The following YLPM1 variants were observed in gnomAD, a reference collection of about 807,000 sequenced individuals.
The protein encoded by YLPM1 is YLP motif-containing protein 1.
Under a neutral mutation model 230.0 loss-of-function variants are expected in YLPM1, and 99 were observed. The observed-to-expected ratio is 0.43, with a 90% CI of 0.37 to 0.51. The LOEUF is 0.51. YLPM1 is among the 20% of genes least tolerant of loss of function. The pLI is 0.00. For synonymous variants in YLPM1, 984 were observed against 942.5 expected (o/e 1.04, Z -0.81); for missense variants, 2,592 against 2,707.7 (o/e 0.96, Z 0.95).
chr14:74,780,502 A>T lies in YLPM1; in HGVS notation c.1208A>T (p.Gln403Leu). The change falls in exon 3 of 21, where the codon CAG (glutamine) becomes CTG (leucine). Residue 403 changes from glutamine to leucine, a missense_variant. Coordinates refer to ENST00000325680, the MANE Select transcript of YLPM1 (RefSeq NM_019589.3). ...HQQHRVGFQY[Q>L]GIMQKHTQLQ... ...CAGCATCGAGTCGGTTTCCAGTATC[A>T]GGGAATAATGCAGAAGCACACTCAG... The T allele has an allele frequency of 6.2e-7, 1 of 1,614,038 alleles. No individual in the cohort carries two copies. The highest frequency in any genetic ancestry group is 8.5e-7 in the Non-Finnish European group (1 of 1,179,902).
At chr14:74,811,078 C>T (rs1409279510) in intron 9 of YLPM1, among the ~76,000 whole-genome samples, 6 of 152,124 alleles carry the variant, frequency 3.9e-5, no homozygotes, top group East Asian at 1.9e-4. Flanking sequence ...CCACCTGCCT[C>T]GGCCTTCCGA....
rs745543587 is a variant in YLPM1, at chr14:74,799,271, AACGGGATATTCCATCTCTTCCACC to A, written c.3975_3998del (p.Glu1325_Pro1333delinsAsp). ...GATGAACAAGAATCACAGTTTCGTG[AACGGGATATTCCATCTCTTCCACC>A]TTTACCGCCCCTCCCACCTCTTCCA... On this transcript the variant is annotated inframe_deletion, in exon 5 of 21. Coordinates refer to ENST00000325680, the MANE Select transcript of YLPM1 (RefSeq NM_019589.3). 6 of 1,613,930 alleles carry A rather than the reference AACGGGATATTCCATCTCTTCCACC, an allele frequency of 3.7e-6. No individual in the cohort carries two copies. In the African/African-American group the frequency reaches 6.7e-5, roughly 18 times the overall value.
At chr14:74,814,288 G>A (rs974443917) in intron 11 of YLPM1, among the ~76,000 whole-genome samples, 1 of 152,200 alleles carries the variant, frequency 6.6e-6, no homozygotes, top group African/African-American at 2.4e-5. Context: ...ATGAACCCAG[G>A]AGGCGGAGCT....
At position 74,799,130 on chromosome 14, in the gene YLPM1, A is replaced by C. The variant is rs1432202082; in HGVS notation, c.3833A>C (p.Tyr1278Ser). Residue 1278 changes from tyrosine (Y) to serine (S), a missense_variant, in exon 5 of 21, where the codon TAC becomes TCC. This residue lies in a region of YLPM1 where 1,862 missense variants were observed against 1,819.8 expected (regional missense o/e 1.02). Coordinates refer to ENST00000325680, the MANE Select transcript of YLPM1 (RefSeq NM_019589.3). The part of the protein sequence containing the change: ...WERDQDMDED[Y>S]NREMERDMDR... ...AGAGACCAGGATATGGATGAGGACT[A>C]CAATAGGGAAATGGAAAGGGACATG... 1.2e-6 allele frequency: 2 copies of C among 1,613,934 alleles called. No homozygotes were observed. Among genetic ancestry groups the C allele is most frequent in the Admixed American group, 1.7e-5 (1 of 60,010 alleles).
chr14:74,771,551 G>A (rs2090976301), intron 1 of YLPM1, among the ~76,000 whole-genome samples: 2 of 152,200 alleles, frequency 1.3e-5, no homozygotes, highest in African/African-American at 2.4e-5. Flanking sequence ...TGGATAGTGC[G>A]TTGCCATGAA....
chr14:74,770,181 CAAA>C (rs749198220), intron 1 of YLPM1, among the ~76,000 whole-genome samples: 1 of 119,604 alleles, frequency 8.4e-6, no homozygotes, highest in Non-Finnish European at 1.8e-5. Context: ...GACTCCGACT[CAAA>C]AAAAAAAAAA....
At chr14:74,799,727 T>TATTA in intron 5 of YLPM1, 30 bp downstream of exon 5, 1 of 1,556,928 alleles carries the variant, frequency 6.4e-7, no homozygotes, top group South Asian at 1.2e-5. Context: ...TCCTTTCTTT[T>TATTA]AATAAAAACC....
chr14:74,790,267 C>T (rs2091192974), intron 4 of YLPM1, among the ~76,000 whole-genome samples: 1 of 151,992 alleles, frequency 6.6e-6, no homozygotes, highest in Non-Finnish European at 1.5e-5. Flanking sequence ...TTTATATTTC[C>T]ATTTGTTATG....
chr14:74,799,592 C>G lies in YLPM1; in HGVS notation c.4295C>G (p.Ser1432Cys). 3 of 1,613,912 alleles carry G rather than the reference C, an allele frequency of 1.9e-6. No individual in the cohort carries two copies. The highest frequency in any genetic ancestry group is 2.5e-6 in the Non-Finnish European group (3 of 1,179,886). ...SSHHSSEMMG[S>C]DASLDSDQGL... ...CATCATTCCTCAGAAATGATGGGGTCCGATGCAAGCTTAGACTCTGACCAA... is the reference window on the plus strand; with the variant it reads ...CATCATTCCTCAGAAATGATGGGGTGCGATGCAAGCTTAGACTCTGACCAA... Residue 1432 changes from serine (S) to cysteine (C), a missense_variant, in exon 5 of 21, where the codon TCC becomes TGC. Ser to Cys is a moderately radical substitution (Grantham distance 112). Around this residue, in one of 4 missense-constraint regions of YLPM1, gnomAD observed 1,862 missense variants for 1,819.8 expected, o/e 1.02. Transcript: ENST00000325680.
chr14:74,809,889 A>G (rs2091417503), intron 7 of YLPM1, 21 bp from the exon 8 acceptor site: 1 of 1,603,590 alleles, frequency 6.2e-7, no homozygotes, highest in Non-Finnish European at 8.5e-7. Context: ...ACAGTACTTT[A>G]TCTCTGATTT....
intron 1 of YLPM1, among the ~76,000 whole-genome samples, chr14:74,773,366 T>TA (rs34948047): frequency 0.063 from 9,585 of 152,264 alleles, 697 homozygotes; most frequent in African/African-American, 0.18. Flanking sequence ...AACAAGTTCT[T>TA]AACCCTGGTC....
In YLPM1 at chr14:74,781,820, C is replaced by G; in HGVS notation, c.1777C>G (p.Pro593Ala). 2 of 1,612,484 alleles carry G rather than the reference C, an allele frequency of 1.2e-6. No individual in the cohort carries two copies. The highest frequency in any genetic ancestry group is 2.2e-5 in the South Asian group (2 of 90,880). Residue 593 changes from proline to alanine, a missense_variant, in exon 4 of 21, where the codon CCA becomes GCA. Pro to Ala is a conservative substitution (Grantham distance 27, BLOSUM62 -1). Coordinates refer to ENST00000325680, the MANE Select transcript of YLPM1 (RefSeq NM_019589.3). ...TGCAGGGCCACCACCAGTTCTCCCCCCACCTTCCCTGTCTTCTGCAGGGCC... is the reference window on the plus strand; with the variant it reads ...TGCAGGGCCACCACCAGTTCTCCCCGCACCTTCCCTGTCTTCTGCAGGGCC... Reference protein sequence around the residue: ...SSAGPPPVLPPPSLSSAGPPP... With the variant: ...SSAGPPPVLPAPSLSSAGPPP...
At position 74,816,192 on chromosome 14, in the gene YLPM1, T is replaced by C; in HGVS notation, c.5503-11T>C. Reference sequence around the variant, plus strand: ...GTGATTTTTTTTTTTTTTTGGTCTATTCTGTTTCAGATTGTTGTTATAATG... The same window carrying C: ...GTGATTTTTTTTTTTTTTTGGTCTACTCTGTTTCAGATTGTTGTTATAATG... On this transcript the variant is annotated splice_polypyrimidine_tract_variant and intron_variant, in intron 11 of 20. Coordinates refer to ENST00000325680, the MANE Select transcript of YLPM1 (RefSeq NM_019589.3). 6.3e-7 allele frequency: 1 copy of C among 1,594,362 alleles called. No individual in the cohort carries two copies. Among genetic ancestry groups the C allele is most frequent in the Admixed American group, 1.8e-5 (1 of 56,874 alleles).
intron 18 of YLPM1, among the ~76,000 whole-genome samples, chr14:74,825,093 T>C (rs892278003): frequency 6.6e-6 from 1 of 152,180 alleles, no homozygotes; most frequent in Admixed American, 6.5e-5. Context: ...GCCTTACTGA[T>C]GTATGAAGTA....
Position 74,768,526 on chromosome 14 carries a change from C to A in YLPM1, c.873+4164C>A, listed in dbSNP as rs149609369. On this transcript the variant is annotated intron_variant, in intron 1 of 20. Transcript: ENST00000325680. ...CCTCCCAAAGTGCTGGGATTATAGA[C>A]GTGAGCCACTGCGCCCGGTCGGAAT... Among the ~76,000 whole-genome samples, 1,000 of 152,240 alleles carry A rather than the reference C, an allele frequency of 6.6e-3. 14 individuals carry two copies. The highest frequency in any genetic ancestry group is 0.023 in the African/African-American group (961 of 41,524).
chr14:74,786,472 C>A (rs2091151308), intron 4 of YLPM1, among the ~76,000 whole-genome samples: 1 of 151,798 alleles, frequency 6.6e-6, no homozygotes, highest in Admixed American at 6.6e-5. Flanking sequence ...TTTCTAATAC[C>A]CCAAAGATAA....
At chr14:74,764,993 TC>T (rs1566733601) in intron 1 of YLPM1, among the ~76,000 whole-genome samples, 1 of 152,218 alleles carries the variant, frequency 6.6e-6, no homozygotes, top group African/African-American at 2.4e-5. Flanking sequence ...GACCCAGACA[TC>T]CTTTTCTCAT....
intron 1 of YLPM1, among the ~76,000 whole-genome samples, chr14:74,770,680 T>C (rs2090970118): frequency 6.6e-6 from 1 of 152,044 alleles, no homozygotes; most frequent in South Asian, 2.1e-4. Flanking sequence ...TTCAAAGAAT[T>C]AAGTTCAATA....
intron 1 of YLPM1, among the ~76,000 whole-genome samples, chr14:74,772,801 G>A (rs972513854): frequency 3.3e-5 from 5 of 152,174 alleles, no homozygotes; most frequent in African/African-American, 1.2e-4. Context: ...AGAAGAGCTG[G>A]CATCATTAGC....
Sources: gnomAD v4.1 joint callset for allele counts (sites outside exome capture counted in the v4.1 genomes callset) on GRCh38, gnomAD v4.1.1 for gene constraint, gnomAD v4.1.1 regional missense constraint, MANE v1.5 for transcripts, NCBI Gene and HGNC (gene_info 2026-07-23, HGNC 2026-07-21) for gene names.